ARL14EP: variants seen among roughly 807,000 people sequenced by gnomAD.
ARL14EP encodes ARF like GTPase 14 effector protein.
ARL14EP carries 12 observed loss-of-function variants against 23.1 expected under a neutral mutation model. That is an observed-to-expected ratio of 0.52 (90% CI 0.33 to 0.84). The LOEUF (loss-of-function observed/expected upper bound fraction) is 0.84, where lower values mean the gene tolerates loss of function less well. Among genes scored for constraint, ARL14EP ranks in the 40% least tolerant of loss-of-function variants. The pLI, the probability that ARL14EP is intolerant of heterozygous loss-of-function variation, is 0.02. For missense variants in ARL14EP, 253 were observed against 307.3 expected (o/e 0.82, Z 1.32); for synonymous variants, 97 against 102.0 (o/e 0.95, Z 0.29).
chr11:30,325,661 A>C (rs1372438872), intron 1 of ARL14EP, among the ~76,000 whole-genome samples: 1 of 152,160 alleles, frequency 6.6e-6, no homozygotes, highest in Non-Finnish European at 1.5e-5. Context: ...ATATTGACCA[A>C]AGTGTTTGGA....
intron 3 of ARL14EP, among the ~76,000 whole-genome samples, chr11:30,334,135 T>C (rs1217671923): frequency 4.0e-5 from 6 of 150,748 alleles, no homozygotes; most frequent in African/African-American, 1.5e-4. Flanking sequence ...AACATAAAAG[T>C]GCAAGGTGAA....
intron 3 of ARL14EP, among the ~76,000 whole-genome samples, chr11:30,334,328 G>C (rs1391951303): frequency 1.3e-5 from 2 of 148,348 alleles, no homozygotes; most frequent in African/African-American, 5.0e-5. Context: ...CGATTCTTCT[G>C]CCTCAACCTC....
chr11:30,333,260 C>G (rs1331953530), intron 3 of ARL14EP, among the ~76,000 whole-genome samples: 2 of 152,054 alleles, frequency 1.3e-5, no homozygotes. Context: ...TAAAGTAATT[C>G]ACTTATTTGA....
At position 30,337,413 on chromosome 11, in the gene ARL14EP, C is replaced by G. The variant is rs1478188996; in HGVS notation, c.*618C>G. 1 of 152,474 alleles carries G rather than the reference C, an allele frequency of 6.6e-6. No homozygotes were observed. The highest frequency in any genetic ancestry group is 1.5e-5 in the Non-Finnish European group (1 of 68,294). The allele number at this position is 152,474 out of a possible 1,614,324, so 9.4% of individuals were successfully genotyped here. ...CTATAGAAGTGAACACTCGAAAGAA[C>G]TGGTCAACAAAGATGAAAGTGCAGC... On this transcript the variant is annotated 3_prime_UTR_variant, in exon 4 of 4. Coordinates refer to ENST00000282032, the MANE Select transcript of ARL14EP (RefSeq NM_152316.3).
intron 1 of ARL14EP, among the ~76,000 whole-genome samples, chr11:30,323,927 C>T (rs1947215829): frequency 6.6e-6 from 1 of 152,240 alleles, no homozygotes; most frequent in African/African-American, 2.4e-5. Flanking sequence ...CACACTTGAA[C>T]CAAATCTTTT....
rs1165288591 is a variant in ARL14EP, at chr11:30,336,548, A to G, written c.555-19A>G. 2 of 1,564,394 alleles carry G rather than the reference A, an allele frequency of 1.3e-6. No homozygotes were observed. Among genetic ancestry groups the G allele is most frequent in the Non-Finnish European group, 8.8e-7 (1 of 1,135,672 alleles). ...ATAACATATTTATGAGGTATAATTC[A>G]TTGTGTTTTATTTTACAGACAAGTG... is the stretch of plus-strand genomic sequence containing the variant. On this transcript the variant is annotated intron_variant, in intron 3 of 3. Coordinates refer to ENST00000282032, the MANE Select transcript of ARL14EP (RefSeq NM_152316.3).
chr11:30,336,485 CCTTT>C (rs1344063336), intron 3 of ARL14EP, 78 bp from the exon 4 acceptor site: 16 of 1,219,666 alleles, frequency 1.3e-5, no homozygotes, highest in African/African-American at 1.7e-5. Flanking sequence ...TATTTTATCT[CCTTT>C]TTTTTTTTTA....
intron 3 of ARL14EP, among the ~76,000 whole-genome samples, chr11:30,333,886 T>C (rs769953527): frequency 6.6e-5 from 10 of 152,162 alleles, no homozygotes; most frequent in East Asian, 5.8e-4. Context: ...TACCATTCCA[T>C]TGAACACAAA....
chr11:30,332,719 C>A, intron 2 of ARL14EP, 147 bp from the exon 3 acceptor site: 1 of 864,198 alleles, frequency 1.2e-6, no homozygotes, highest in South Asian at 1.7e-5. Context: ...AATTTTCTTG[C>A]ACTTAGGCTC....
chr11:30,331,866 G>C, intron 2 of ARL14EP: 1 of 947,988 alleles, frequency 1.1e-6, no homozygotes, highest in Non-Finnish European at 1.3e-6. Context: ...TCGTTCTTGA[G>C]TTTTTTAAAT....
In ARL14EP at chr11:30,334,208, C is replaced by CTTTTT. The variant is rs36111177; in HGVS notation, c.554+1236_554+1240dup. Among the ~76,000 whole-genome samples the CTTTTT allele has an allele frequency of 8.0e-3, 691 of 85,960 alleles. 40 individuals are homozygous for CTTTTT. Among genetic ancestry groups the CTTTTT allele is most frequent in the Non-Finnish European group, 0.012 (571 of 47,960 alleles). 56.4% of individuals were successfully genotyped at this position (85,960 alleles called of 152,430 possible). ...CAGATTTTCAATGTAGACCAGCCTTCTTTTTTTTTTTTTTTTTTTTTTTTT... is the reference window on the plus strand; with the variant it reads ...CAGATTTTCAATGTAGACCAGCCTTCTTTTTTTTTTTTTTTTTTTTTTTTTTTTTT... On this transcript the variant is annotated intron_variant, in intron 3 of 3. Transcript: ENST00000282032.
intron 2 of ARL14EP, 151 bp from the exon 3 acceptor site, chr11:30,332,715 C>T: frequency 1.2e-6 from 1 of 802,846 alleles, no homozygotes; most frequent in South Asian, 1.8e-5. Context: ...TGTAAATTTT[C>T]TTGCACTTAG....
At chr11:30,332,309 T>C (rs2133650885) in intron 2 of ARL14EP, among the ~76,000 whole-genome samples, 1 of 151,346 alleles carries the variant, frequency 6.6e-6, no homozygotes, top group Non-Finnish European at 1.5e-5. Flanking sequence ...AGTGTCATTG[T>C]AGATGTCTTC....
At position 30,331,352 on chromosome 11, in the gene ARL14EP, A is replaced by G; in HGVS notation, c.404A>G (p.Gln135Arg). Residue 135 changes from glutamine (Q) to arginine (R), a missense_variant, in exon 2 of 4, where the codon CAG becomes CGG. Transcript: ENST00000282032. ...GTGGATGTTGATACTGAAGACCGCC[A>G]GAAAAGGAAACCTGAGTCAGATGTA... ...GSVDVDTEDR[Q>R]KRKPESDGRT... 6.2e-7 allele frequency: 1 copy of G among 1,613,990 alleles called. No individual in the cohort carries two copies. Among genetic ancestry groups the G allele is most frequent in the Non-Finnish European group, 8.5e-7 (1 of 1,179,864 alleles).
chr11:30,330,862 G>T, intron 1 of ARL14EP, 24 bp from the exon 2 acceptor site: 1 of 1,295,498 alleles, frequency 7.7e-7, no homozygotes. Context: ...GCACAAATTT[G>T]ATTCTCTTTA....
intron 3 of ARL14EP, among the ~76,000 whole-genome samples, chr11:30,336,079 G>A (rs1947329877): frequency 6.6e-6 from 1 of 151,850 alleles, no homozygotes; most frequent in African/African-American, 2.4e-5. Context: ...TTCTATATAT[G>A]CCATGTATTC....
At chr11:30,331,613 A>G in intron 2 of ARL14EP, 1 of 1,367,472 alleles carries the variant, frequency 7.3e-7, no homozygotes, top group Non-Finnish European at 9.4e-7. Context: ...ACTCCAAGCT[A>G]CAACTTTTAG....
chr11:30,324,280 C>G (rs183968805), intron 1 of ARL14EP, among the ~76,000 whole-genome samples: 2 of 152,076 alleles, frequency 1.3e-5, no homozygotes, highest in Admixed American at 6.5e-5. Context: ...TTCATGAAAA[C>G]TTTTTTTATG....
Position 30,331,139 on chromosome 11 carries a change from A to C in ARL14EP, c.191A>C (p.Tyr64Ser). ...ATTTGCTTTCATCATGTAAAAATTT[A>C]CATTGACAGATTTGAGGATTTACAG... ...NTICFHHVKIYIDRFEDLQKS... is the reference protein window; with the variant it reads ...NTICFHHVKISIDRFEDLQKS... Residue 64 changes from tyrosine (Y) to serine (S), a missense_variant, in exon 2 of 4, where the codon TAC (tyrosine) becomes TCC (serine). Coordinates refer to ENST00000282032, the MANE Select transcript of ARL14EP (RefSeq NM_152316.3). The C allele has an allele frequency of 2.5e-6, 4 of 1,613,984 alleles. No individual in the cohort carries two copies. The highest frequency in any genetic ancestry group is 3.4e-6 in the Non-Finnish European group (4 of 1,179,858).
Sources: gnomAD v4.1 joint callset for allele counts (sites outside exome capture counted in the v4.1 genomes callset) on GRCh38, gnomAD v4.1.1 for gene constraint, MANE v1.5 for transcripts, NCBI Gene and HGNC (gene_info 2026-07-23, HGNC 2026-07-21) for gene names.